Variants in SSH3 observed in about 807,000 individuals in gnomAD.
The protein encoded by SSH3 is protein phosphatase Slingshot homolog 3.
A neutral mutation model predicts 75.0 loss-of-function variants in SSH3; 67 were observed. The ratio of observed to expected loss-of-function variants is 0.89; its 90% CI spans 0.73 to 1.10. The LOEUF is 1.10. Among genes scored for constraint, SSH3 ranks in the 50% least tolerant of loss-of-function variants. The pLI is 0.00. For synonymous variants in SSH3, 318 were observed against 349.2 expected, an observed-to-expected ratio of 0.91 and a Z score of 1.00; for missense variants, 824 against 872.7, an observed-to-expected ratio of 0.94 and a Z score of 0.70.
At position 67,311,618 on chromosome 11, in the gene SSH3, G is replaced by A; in HGVS notation, c.1711G>A (p.Glu571Lys). 1 of 1,614,092 alleles carries A rather than the reference G, an allele frequency of 6.2e-7. No individual in the cohort carries two copies. Among genetic ancestry groups the A allele is most frequent in the East Asian group, 2.2e-5 (1 of 44,884 alleles). ...EVFSSHESSHEEPLQPFPQLA... is the reference protein window; with the variant it reads ...EVFSSHESSHKEPLQPFPQLA... ...CTTCTCTTCCCACGAGTCTTCACATGAAGAGCCTCTGCAGCCCTTCCCACA... is the reference window on the plus strand; with the variant it reads ...CTTCTCTTCCCACGAGTCTTCACATAAAGAGCCTCTGCAGCCCTTCCCACA... Residue 571 changes from glutamate (E) to lysine (K), a missense_variant, in exon 14 of 14, where the codon GAA becomes AAA. Physicochemically the swap from Glu to Lys is moderately conservative, Grantham distance 56. Transcript: ENST00000308127.
At position 67,307,037 on chromosome 11, in the gene SSH3, G is replaced by A; in HGVS notation, c.465-5G>A. ...GACAATGGCTTTCCCTCTGTCCCCT[G>A]CCAGCTCCCCCAGCTGCACCCTGGG... On this transcript the variant is annotated splice_polypyrimidine_tract_variant and splice_region_variant and intron_variant, in intron 4 of 13. Coordinates refer to ENST00000308127, the MANE Select transcript of SSH3 (RefSeq NM_017857.4). The surrounding 1 kb of genome is among the most constrained non-coding windows in gnomAD (Gnocchi z 4.2). 1 of 1,614,040 alleles carries A rather than the reference G, an allele frequency of 6.2e-7. No homozygotes were observed. The highest frequency in any genetic ancestry group is 8.5e-7 in the Non-Finnish European group (1 of 1,179,954).
intron 2 of SSH3, 41 bp from the exon 3 acceptor site, chr11:67,304,732 G>A (rs1397358912): frequency 2.6e-6 from 4 of 1,554,972 alleles, no homozygotes; most frequent in Non-Finnish European, 3.5e-6. Flanking sequence ...CCTACCCTAA[G>A]GGGAATGAGG....
In SSH3 at chr11:67,303,593, C is replaced by G. The variant is rs888622353; in HGVS notation, c.-33C>G. On this transcript the variant is annotated 5_prime_UTR_variant, in exon 1 of 14. Coordinates refer to ENST00000308127, the MANE Select transcript of SSH3 (RefSeq NM_017857.4). ...CGGGGTTGAGGGAAGGGGCCGTGCC[C>G]GGTGCCAGCCCAGGTGCTCGCGGCC... 1 of 1,516,278 alleles carries G rather than the reference C, an allele frequency of 6.6e-7. No homozygotes were observed. The highest frequency in any genetic ancestry group is 1.2e-5 in the South Asian group (1 of 82,676). 93.9% of individuals were successfully genotyped at this position (1,516,278 alleles called of 1,614,324 possible).
chr11:67,305,403 T>A (rs1861213288), intron 3 of SSH3, among the ~76,000 whole-genome samples: 1 of 152,056 alleles, frequency 6.6e-6, no homozygotes, highest in Non-Finnish European at 1.5e-5. Flanking sequence ...TTAGCCAGGG[T>A]GGTCTCAATC....
rs376767821 is a variant in SSH3, at chr11:67,311,612, T to G, written c.1705T>G (p.Ser569Ala). ...CCAGGTCTTCTCTTCCCACGAGTCT[T>G]CACATGAAGAGCCTCTGCAGCCCTT... ...MPEVFSSHESSHEEPLQPFPQ... is the reference protein window; with the variant it reads ...MPEVFSSHESAHEEPLQPFPQ... Residue 569 changes from serine (S) to alanine (A), a missense_variant, in exon 14 of 14, where the codon TCA (serine) becomes GCA (alanine). Physicochemically the swap from Ser to Ala is moderately conservative, Grantham distance 99 (BLOSUM62 1). Transcript: ENST00000308127. The G allele has an allele frequency of 6.2e-7, 1 of 1,614,002 alleles. No individual in the cohort carries two copies. Among genetic ancestry groups the G allele is most frequent in the Middle Eastern group, 1.7e-4 (1 of 6,060 alleles).
chr11:67,307,595 A>G lies in SSH3; in HGVS notation c.649A>G (p.Ser217Gly). The change falls in exon 7 of 14, where the codon AGC becomes GGC. Residue 217 changes from serine to glycine, a missense_variant. By Grantham distance (56) the Ser-to-Gly change is moderately conservative (BLOSUM62 0). Transcript: ENST00000308127. The surrounding 1 kb of genome is among the most constrained non-coding windows in gnomAD (Gnocchi z 4.2). ...LHQACEAALGSGLVPGGSALT... is the reference protein window; with the variant it reads ...LHQACEAALGGGLVPGGSALT... ...CCAAGCATGTGAGGCAGCTCTAGGC[A>G]GCGGCCTTGTACCGGGTGGCAGTGC... The G allele has an allele frequency of 1.2e-6, 2 of 1,613,704 alleles. No homozygotes were observed. Among genetic ancestry groups the G allele is most frequent in the Non-Finnish European group, 1.7e-6 (2 of 1,179,938 alleles).
At position 67,310,102 on chromosome 11, in the gene SSH3, G is replaced by A. The variant is rs1236266685; in HGVS notation, c.1446G>A (p.Gly482=). The change falls in exon 13 of 14, where the codon GGG becomes GGA. Residue 482 remains glycine, a synonymous_variant. Coordinates refer to ENST00000308127, the MANE Select transcript of SSH3 (RefSeq NM_017857.4). ...QSHVWEQKVG[G]VSPEEHPAPE... is the part of the protein sequence containing the mutation. ...ATGTCTGGGAGCAGAAAGTGGGTGGGGTCTCCCCAGAGGAGCACCCAGCCC... is the reference window on the plus strand; with the variant it reads ...ATGTCTGGGAGCAGAAAGTGGGTGGAGTCTCCCCAGAGGAGCACCCAGCCC... 1.2e-6 allele frequency: 2 copies of A among 1,613,786 alleles called. No individual in the cohort carries two copies. The highest frequency in any genetic ancestry group is 1.1e-5 in the South Asian group (1 of 91,090).
chr11:67,305,574 A>G (rs1243026095), intron 3 of SSH3, among the ~76,000 whole-genome samples: 1 of 152,162 alleles, frequency 6.6e-6, no homozygotes, highest in Non-Finnish European at 1.5e-5. Context: ...GTGTGAGCCA[A>G]TAGGGCCAAA....
rs370346533 is a variant in SSH3, at chr11:67,308,394, C to G, written c.1015-18C>G. The G allele has an allele frequency of 6.2e-7, 1 of 1,613,428 alleles. No individual in the cohort carries two copies. Among genetic ancestry groups the G allele is most frequent in the Non-Finnish European group, 8.5e-7 (1 of 1,179,756 alleles). ...GAGGCTGGAGGAGAGGAGAAATGTG[C>G]TGTTCCCTCTCTCCCAGGGCTCAGA... On this transcript the variant is annotated intron_variant, in intron 9 of 13. Transcript: ENST00000308127. This position sits in a 1 kb window ranked among gnomAD's most constrained non-coding sequence, Gnocchi z 4.9.
intron 13 of SSH3, among the ~76,000 whole-genome samples, chr11:67,311,118 G>A (rs549964247): frequency 6.6e-6 from 1 of 152,330 alleles, no homozygotes; most frequent in Admixed American, 6.5e-5. Flanking sequence ...GTGTGGGTGG[G>A]GAAGGATAGG....
chr11:67,305,630 C>A (rs1211097962), intron 3 of SSH3, among the ~76,000 whole-genome samples: 1 of 152,176 alleles, frequency 6.6e-6, no homozygotes, highest in African/African-American at 2.4e-5. Flanking sequence ...TCTCCTCAAC[C>A]AGTAGAAGAC....
At position 67,312,002 on chromosome 11, in the gene SSH3, A is replaced by T; in HGVS notation, c.*115A>T. The T allele has an allele frequency of 2.9e-6, 4 of 1,401,650 alleles. No individual in the cohort carries two copies. In the East Asian group the frequency reaches 9.9e-5, roughly 35 times the overall value. 86.8% of individuals were successfully genotyped at this position (1,401,650 alleles called of 1,614,324 possible). ...CTCTCAGCTCCGCCCCATACCCGTC[A>T]CTACAGCCTCACCTCCCACCCCTGT... On this transcript the variant is annotated 3_prime_UTR_variant, in exon 14 of 14. Coordinates refer to ENST00000308127, the MANE Select transcript of SSH3 (RefSeq NM_017857.4).
chr11:67,312,403 G>A lies in SSH3; in HGVS notation c.*516G>A, dbSNP rs1032448914. ...GGGAGGCTGGAAGGGCTGGCAGATCGCTTCCCTCATCCACCTCCACCGGTC... is the reference window on the plus strand; with the variant it reads ...GGGAGGCTGGAAGGGCTGGCAGATCACTTCCCTCATCCACCTCCACCGGTC... On this transcript the variant is annotated 3_prime_UTR_variant, in exon 14 of 14. Coordinates refer to ENST00000308127, the MANE Select transcript of SSH3 (RefSeq NM_017857.4). 9 of 164,344 alleles carry A rather than the reference G, an allele frequency of 5.5e-5. No homozygotes were observed. The South Asian group carries it at 7.6e-4, about 14-fold the overall frequency. The allele number at this position is 164,344 out of a possible 1,614,324, so 10.2% of individuals were successfully genotyped here. A position where few individuals can be genotyped will look rare whatever the true frequency, so the allele number is the denominator to read the frequency against.
chr11:67,310,950 A>G (rs1169603939), intron 13 of SSH3, among the ~76,000 whole-genome samples: 1 of 152,206 alleles, frequency 6.6e-6, no homozygotes, highest in Non-Finnish European at 1.5e-5. Flanking sequence ...CACGCCGCCC[A>G]AGTCCTGCCT....
rs775434170 is a variant in SSH3 at position 67,307,937 on chromosome 11, G to C, written c.883G>C (p.Glu295Gln). 4 of 1,614,204 alleles carry C rather than the reference G, an allele frequency of 2.5e-6. No individual in the cohort carries two copies. Among genetic ancestry groups the C allele is most frequent in the South Asian group, 2.2e-5 (2 of 91,088 alleles). Reference sequence around the variant, plus strand: ...TGACCTGGAGAGTGTCACTTCCAAAGAGGTGGGCAGGGGGCCCGGGGACTG... The same window carrying C: ...TGACCTGGAGAGTGTCACTTCCAAACAGGTGGGCAGGGGGCCCGGGGACTG... ...VSDLESVTSKEIRQALELRLG... is the reference protein window; with the variant it reads ...VSDLESVTSKQIRQALELRLG... The change falls in exon 8 of 14, where the codon GAG becomes CAG. Residue 295 changes from glutamate to glutamine, a missense_variant and splice_region_variant. Glu to Gln is a conservative substitution (Grantham distance 29, BLOSUM62 2). Coordinates refer to ENST00000308127, the MANE Select transcript of SSH3 (RefSeq NM_017857.4). This position sits in a 1 kb window ranked among gnomAD's most constrained non-coding sequence, Gnocchi z 4.2.
In SSH3 at chr11:67,310,265, G is replaced by A. The variant is rs1397277925; in HGVS notation, c.1609G>A (p.Val537Ile). Residue 537 changes from valine to isoleucine, a missense_variant, in exon 13 of 14, where the codon GTC becomes ATC. Val to Ile is a conservative substitution (Grantham distance 29). Transcript: ENST00000308127. ...GPRPRINLRG[V>I]MRSISLLEPS... ...ACGGCCACGTATAAACCTCCGAGGGGTCATGAGGTCCATCAGTCTTCTGGA... is the reference window on the plus strand; with the variant it reads ...ACGGCCACGTATAAACCTCCGAGGGATCATGAGGTCCATCAGTCTTCTGGA... 3 of 1,614,208 alleles carry A rather than the reference G, an allele frequency of 1.9e-6. 1 individual carries two copies. The South Asian group carries it at 3.3e-5, about 18-fold the overall frequency.
intron 3 of SSH3, among the ~76,000 whole-genome samples, chr11:67,306,536 G>A (rs1436996423): frequency 2.0e-5 from 3 of 152,168 alleles, no homozygotes; most frequent in Non-Finnish European, 4.4e-5. Context: ...CGGAGTTCGG[G>A]GCTACAGTGA....
At chr11:67,305,029 C>CCG (rs773435339) in intron 3 of SSH3, 22 bp downstream of exon 3, 1 of 1,570,534 alleles carries the variant, frequency 6.4e-7, no homozygotes, top group Non-Finnish European at 8.6e-7. Context: ...TGTGGAGCTC[C>CCG]GGGGGGTGGG....
chr11:67,311,528 G>A, intron 13 of SSH3, 63 bp from the exon 14 acceptor site: 2 of 1,595,356 alleles, frequency 1.3e-6, no homozygotes, highest in South Asian at 1.1e-5. Flanking sequence ...TCCCGGCTCT[G>A]TGCTTGGGCA....
Sources: allele counts gnomAD v4.1 joint callset (sites outside exome capture counted in the v4.1 genomes callset), GRCh38; gene constraint gnomAD v4.1.1; non-coding constraint Gnocchi (gnomAD v3.1); transcripts MANE v1.5; gene names NCBI Gene and HGNC (gene_info 2026-07-23, HGNC 2026-07-21).